LOC128092253: variants seen among roughly 807,000 people sequenced by gnomAD.
chr6:133,978,076 T>C, the LOC128092253 span, among the ~76,000 whole-genome samples: 7 of 152,276 alleles, frequency 4.6e-5, no homozygotes, highest in African/African-American at 1.7e-4. Flanking sequence ...TCTGCCACAT[T>C]GTACCCAGCT....
the LOC128092253 span, among the ~76,000 whole-genome samples, chr6:133,956,131 T>C: frequency 2.0e-5 from 3 of 152,222 alleles, no homozygotes; most frequent in Non-Finnish European, 4.4e-5. Context: ...TTCCTTCTGT[T>C]TCATCATAGA....
chr6:133,968,092 T>G, the LOC128092253 span, among the ~76,000 whole-genome samples: 2 of 151,688 alleles, frequency 1.3e-5, no homozygotes, highest in Non-Finnish European at 2.9e-5. Context: ...CACTGCAGCC[T>G]GCATCTGCCT....
At chr6:133,973,972 TG>T in the LOC128092253 span, among the ~76,000 whole-genome samples, 5 of 149,694 alleles carry the variant, frequency 3.3e-5, no homozygotes, top group East Asian at 9.7e-4. Context: ...TATATATATT[TG>T]TTTTTTTATT....
the LOC128092253 span, among the ~76,000 whole-genome samples, chr6:133,956,513 A>G: frequency 6.6e-6 from 1 of 152,156 alleles, no homozygotes; most frequent in African/African-American, 2.4e-5. Context: ...AATGGACTTC[A>G]TCATGCCTGC....
At chr6:133,963,411 G>T in the LOC128092253 span, among the ~76,000 whole-genome samples, 17 of 152,060 alleles carry the variant, frequency 1.1e-4, no homozygotes, top group Admixed American at 5.2e-4. Context: ...TCTTGTTTCT[G>T]TTGTTTTGTC....
the LOC128092253 span, among the ~76,000 whole-genome samples, chr6:133,963,180 A>G: frequency 3.3e-5 from 5 of 152,192 alleles, no homozygotes; most frequent in African/African-American, 4.8e-5. Context: ...AGAAGTCTTG[A>G]TGTTCTCTGA....
chr6:133,973,956 C>CATAT, the LOC128092253 span, among the ~76,000 whole-genome samples: 15 of 142,488 alleles, frequency 1.1e-4, no homozygotes, highest in African/African-American at 3.9e-4. Flanking sequence ...TTAAACCTAA[C>CATAT]ATATATATAT....
chr6:133,959,979 G>T, the LOC128092253 span, among the ~76,000 whole-genome samples: 2 of 152,204 alleles, frequency 1.3e-5, no homozygotes, highest in Non-Finnish European at 2.9e-5. Flanking sequence ...TGTGGAACAA[G>T]AACCACCCCA....
chr6:133,979,961 A>C, the LOC128092253 span: 1 of 805,398 alleles, frequency 1.2e-6, no homozygotes, highest in South Asian at 2.7e-5. Flanking sequence ...ACATGATTTG[A>C]TTCTAGTAAC....
chr6:133,966,217 A>G, the LOC128092253 span, among the ~76,000 whole-genome samples: 2 of 152,200 alleles, frequency 1.3e-5, no homozygotes, highest in Non-Finnish European at 2.9e-5. Flanking sequence ...CGCATTGGGA[A>G]CTACGCCAAG....
At chr6:133,977,043 A>C in the LOC128092253 span, among the ~76,000 whole-genome samples, 1 of 152,074 alleles carries the variant, frequency 6.6e-6, no homozygotes, top group Non-Finnish European at 1.5e-5. Flanking sequence ...TATCCTATTG[A>C]AAAGGGATAT....
At chr6:133,955,593 A>G in the LOC128092253 span, among the ~76,000 whole-genome samples, 2 of 152,208 alleles carry the variant, frequency 1.3e-5, no homozygotes, top group African/African-American at 4.8e-5. Flanking sequence ...TGTGAATACA[A>G]CAGGTTAAGA....
the LOC128092253 span, among the ~76,000 whole-genome samples, chr6:133,957,708 A>G: frequency 1.3e-5 from 2 of 152,236 alleles, no homozygotes; most frequent in Admixed American, 1.3e-4. Context: ...AATTAATGGC[A>G]TGGCCTTAAA....
At chr6:133,956,765 C>G in the LOC128092253 span, among the ~76,000 whole-genome samples, 1 of 152,184 alleles carries the variant, frequency 6.6e-6, no homozygotes, top group African/African-American at 2.4e-5. Context: ...GTGACACTTT[C>G]TCAAGCATGA....
At chr6:133,954,273 G>A in the LOC128092253 span, among the ~76,000 whole-genome samples, 1 of 152,332 alleles carries the variant, frequency 6.6e-6, no homozygotes, top group African/African-American at 2.4e-5. Context: ...TCTGTATTTA[G>A]GGTTTAGAAC....
At chr6:133,956,965 T>A in the LOC128092253 span, among the ~76,000 whole-genome samples, 1 of 152,192 alleles carries the variant, frequency 6.6e-6, no homozygotes, top group Non-Finnish European at 1.5e-5. Context: ...AACCAGTCAA[T>A]CTTTTCTTTA....
the LOC128092253 span, among the ~76,000 whole-genome samples, chr6:133,975,549 C>A: frequency 6.6e-6 from 1 of 152,136 alleles, no homozygotes; most frequent in African/African-American, 2.4e-5. Flanking sequence ...CTTAAATTGT[C>A]TAATGAGTCT....
the LOC128092253 span, among the ~76,000 whole-genome samples, chr6:133,959,713 C>T: frequency 5.3e-5 from 8 of 152,074 alleles, no homozygotes; most frequent in Admixed American, 5.2e-4. Flanking sequence ...GAACTTCTGA[C>T]CTCAGGTGGT....
chr6:133,967,914 CACAG>C, the LOC128092253 span, among the ~76,000 whole-genome samples: 1 of 152,086 alleles, frequency 6.6e-6, no homozygotes, highest in South Asian at 2.1e-4. Context: ...GTTTCATGTG[CACAG>C]ACAAATATAT....
Sources: allele counts gnomAD v4.1 joint callset (sites outside exome capture counted in the v4.1 genomes callset), GRCh38; gene constraint gnomAD v4.1.1; transcripts MANE v1.5.